The following PPM1D variants were observed in gnomAD, a reference collection of about 807,000 sequenced individuals.
The protein encoded by PPM1D is protein phosphatase, Mg2+/Mn2+ dependent 1D.
PPM1D carries 52 observed loss-of-function variants against 58.3 expected under a neutral mutation model. That is an observed-to-expected ratio of 0.89 (90% CI 0.71 to 1.12). The LOEUF is 1.12. Ranked by LOEUF, PPM1D falls within the 50% of genes most tolerant of loss-of-function variation. The probability of loss-of-function intolerance (pLI) is 0.00; values close to 1 mark genes in which losing one functional copy is unlikely to be tolerated. For synonymous variants in PPM1D, 278 were observed against 285.1 expected (o/e 0.98, Z 0.25); for missense variants, 564 against 777.2 (o/e 0.73, Z 3.26).
At chr17:60,628,840 C>T (rs1472256226) in intron 2 of PPM1D, among the ~76,000 whole-genome samples, 1 of 151,982 alleles carries the variant, frequency 6.6e-6, no homozygotes, top group Non-Finnish European at 1.5e-5. Context: ...GCCAGGGGCC[C>T]CTAAACCACA....
Position 60,600,542 on chromosome 17 carries a change from G to T in PPM1D, c.128G>T (p.Arg43Leu). Residue 43 changes from arginine to leucine, a missense_variant, in exon 1 of 6, where the codon CGG becomes CTG. Arg to Leu is a moderately radical substitution (Grantham distance 102). This residue lies in a region of PPM1D where 132 missense variants were observed against 150.4 expected (regional missense o/e 0.88). Coordinates refer to ENST00000305921, the MANE Select transcript of PPM1D (RefSeq NM_003620.4). ...GCTGAAGAAAAGCCCTCGCCGCGGCGGTCGCTGTCTCAGCCGTTGCCTCCG... is the reference window on the plus strand; with the variant it reads ...GCTGAAGAAAAGCCCTCGCCGCGGCTGTCGCTGTCTCAGCCGTTGCCTCCG... ...PTAEEKPSPR[R>L]SLSQPLPPRP... 6.4e-7 allele frequency: 1 copy of T among 1,554,374 alleles called. No homozygotes were observed. Among genetic ancestry groups the T allele is most frequent in the Non-Finnish European group, 8.7e-7 (1 of 1,149,290 alleles).
chr17:60,656,893 G>T, intron 5 of PPM1D, 52 bp downstream of exon 5: 1 of 1,611,046 alleles, frequency 6.2e-7, no homozygotes, highest in South Asian at 1.1e-5. Context: ...CCAGTTCTTT[G>T]GTTAGCGTCA....
At chr17:60,602,341 C>A (rs994062292) in intron 1 of PPM1D, among the ~76,000 whole-genome samples, 1 of 152,100 alleles carries the variant, frequency 6.6e-6, no homozygotes, top group Non-Finnish European at 1.5e-5. Context: ...TTGCAGTATA[C>A]TTGGAGTAAC....
intron 1 of PPM1D, among the ~76,000 whole-genome samples, chr17:60,601,395 G>A (rs951246441): frequency 6.6e-6 from 1 of 152,236 alleles, no homozygotes; most frequent in Non-Finnish European, 1.5e-5. Context: ...TAAAGCGTAA[G>A]CTAATTTAGA....
chr17:60,610,285 A>G (rs916266728), intron 1 of PPM1D, among the ~76,000 whole-genome samples: 5 of 152,032 alleles, frequency 3.3e-5, no homozygotes, highest in African/African-American at 9.7e-5. Context: ...TTTGGAACAT[A>G]TGCCCCTGCG....
intron 3 of PPM1D, among the ~76,000 whole-genome samples, chr17:60,646,157 A>G (rs1463626209): frequency 6.6e-6 from 1 of 152,178 alleles, no homozygotes; most frequent in East Asian, 1.9e-4. Context: ...TTTTGCTGGT[A>G]TAAAGAGGTA....
intron 1 of PPM1D, among the ~76,000 whole-genome samples, chr17:60,621,188 G>T (rs918201211): frequency 6.6e-6 from 1 of 152,174 alleles, no homozygotes; most frequent in Non-Finnish European, 1.5e-5. Context: ...CTCCCAAAGT[G>T]CTGGGATTAC....
rs201247115 is a variant in PPM1D, at chr17:60,630,351, T to G, written c.702-3502T>G. ...ATTTTATTTGATTTTAATAATGTTT[T>G]TAGAAAGAGTTTTTTGGCTTTATTA... On this transcript the variant is annotated intron_variant, in intron 2 of 5. Coordinates refer to ENST00000305921, the MANE Select transcript of PPM1D (RefSeq NM_003620.4). 3.8e-4 allele frequency among the ~76,000 whole-genome samples: 58 copies of G among 152,340 alleles called. No individual in the cohort carries two copies. In the East Asian group the frequency reaches 7.7e-3, roughly 20 times the overall value.
At chr17:60,629,550 C>G (rs1238938394) in intron 2 of PPM1D, among the ~76,000 whole-genome samples, 1 of 152,182 alleles carries the variant, frequency 6.6e-6, no homozygotes, top group South Asian at 2.1e-4. Context: ...ATATATCTGA[C>G]ATCTCTGCTG....
chr17:60,603,623 T>A (rs995592422), intron 1 of PPM1D, among the ~76,000 whole-genome samples: 1 of 151,994 alleles, frequency 6.6e-6, no homozygotes, highest in Non-Finnish European at 1.5e-5. Context: ...ATTAGCCGGG[T>A]GTGGTGGTGC....
intron 1 of PPM1D, among the ~76,000 whole-genome samples, chr17:60,618,544 A>G (rs1274251943): frequency 6.6e-6 from 1 of 152,222 alleles, no homozygotes; most frequent in Non-Finnish European, 1.5e-5. Flanking sequence ...TGATAATTAA[A>G]GAAGCTGAAT....
At chr17:60,600,949 C>T (rs1188042037) in intron 1 of PPM1D, 63 bp downstream of exon 1, 1 of 1,600,942 alleles carries the variant, frequency 6.2e-7, no homozygotes, top group Non-Finnish European at 8.5e-7. Flanking sequence ...TTTTATGGCA[C>T]CAGCCCCGCG....
intron 2 of PPM1D, among the ~76,000 whole-genome samples, chr17:60,626,105 C>T (rs77962055): frequency 4.2e-4 from 64 of 152,134 alleles, no homozygotes; most frequent in Non-Finnish European, 8.4e-4. Context: ...ATTTTTATTT[C>T]TAATTTTTTT....
At chr17:60,623,309 G>T (rs1275234813) in intron 1 of PPM1D, among the ~76,000 whole-genome samples, 1 of 152,092 alleles carries the variant, frequency 6.6e-6, no homozygotes, top group Non-Finnish European at 1.5e-5. Flanking sequence ...TTTGATAGTT[G>T]TATCATAATT....
intron 2 of PPM1D, among the ~76,000 whole-genome samples, chr17:60,624,131 T>C (rs2030757794): frequency 1.3e-5 from 2 of 152,236 alleles, no homozygotes; most frequent in Non-Finnish European, 2.9e-5. Context: ...GCTTTTTTCA[T>C]TGATTTCAGA....
chr17:60,661,219 CAAAAAAA>C (rs373913706), intron 5 of PPM1D, among the ~76,000 whole-genome samples: 2 of 48,958 alleles, frequency 4.1e-5, no homozygotes, highest in African/African-American at 1.2e-4. Context: ...AACTCCATCT[CAAAAAAA>C]AAAAAAAAAA....
In PPM1D at chr17:60,613,310, A is replaced by G. The variant is rs566603727; in HGVS notation, c.473-10211A>G. On this transcript the variant is annotated intron_variant, in intron 1 of 5. Transcript: ENST00000305921. ...TGATGGTTGCCAATAAGTATTTTCA[A>G]ATTGCTTCCCTGAAGGCTTTACATC... Among the ~76,000 whole-genome samples the G allele has an allele frequency of 4.6e-5, 7 of 152,350 alleles. No individual in the cohort carries two copies. In the South Asian group the frequency reaches 8.3e-4, roughly 18 times the overall value.
Position 60,619,325 on chromosome 17 carries a change from G to C in PPM1D, c.473-4196G>C, listed in dbSNP as rs537096555. On this transcript the variant is annotated intron_variant, in intron 1 of 5. Coordinates refer to ENST00000305921, the MANE Select transcript of PPM1D (RefSeq NM_003620.4). ...ATTGTTTTCATATCTTGGATGTTTTGAATAATTCTGCAGGGAGTGTTGAGG... is the reference window on the plus strand; with the variant it reads ...ATTGTTTTCATATCTTGGATGTTTTCAATAATTCTGCAGGGAGTGTTGAGG... 1.8e-4 allele frequency among the ~76,000 whole-genome samples: 27 copies of C among 151,208 alleles called. 1 individual carries two copies. The highest frequency in any genetic ancestry group is 6.3e-4 in the African/African-American group (26 of 41,174).
chr17:60,649,324 C>G (rs1688286562), intron 4 of PPM1D, among the ~76,000 whole-genome samples: 1 of 152,168 alleles, frequency 6.6e-6, no homozygotes, highest in Admixed American at 6.5e-5. Flanking sequence ...ATCTTTCTCT[C>G]AGATGGCAGG....
Sources: gnomAD v4.1 joint callset for allele counts (sites outside exome capture counted in the v4.1 genomes callset) on GRCh38, gnomAD v4.1.1 for gene constraint, gnomAD v4.1.1 regional missense constraint, MANE v1.5 for transcripts, NCBI Gene and HGNC (gene_info 2026-07-23, HGNC 2026-07-21) for gene names.